The following MGST1 variants were observed in gnomAD, a reference collection of about 807,000 sequenced individuals.
MGST1 encodes glutathione S-transferase 12.
A neutral mutation model predicts 8.9 loss-of-function variants in MGST1; 5 were observed. That is an observed-to-expected ratio of 0.56 (90% CI 0.29 to 1.19). The LOEUF is 1.19. Among genes scored for constraint, MGST1 ranks in the 50% most tolerant of loss-of-function variants. The pLI is 0.08. For synonymous variants in MGST1, 54 were observed against 67.8 expected, an observed-to-expected ratio of 0.80 and a Z score of 1.00; for missense variants, 182 against 187.4, an observed-to-expected ratio of 0.97 and a Z score of 0.17.
intron 4 of MGST1, among the ~76,000 whole-genome samples, chr12:16,516,189 G>A (rs1941613887): frequency 6.6e-6 from 1 of 152,170 alleles, no homozygotes; most frequent in Non-Finnish European, 1.5e-5. Flanking sequence ...AGCATGAGCT[G>A]TAGGTAAGGG....
intron 4 of MGST1, among the ~76,000 whole-genome samples, chr12:16,476,115 A>G (rs185248283): frequency 4.6e-5 from 7 of 152,290 alleles, no homozygotes; most frequent in Admixed American, 1.3e-4. Flanking sequence ...CTGAAGGACA[A>G]TAAAAAAAGT....
At chr12:16,422,306 G>T (rs181307740) in intron 1 of MGST1, among the ~76,000 whole-genome samples, 25 of 152,182 alleles carry the variant, frequency 1.6e-4, no homozygotes, top group African/African-American at 6.0e-4. Context: ...TTTTTATACA[G>T]TGTGGATGAT....
At chr12:16,380,547 G>T (rs1282711050), downstream of MGST1, among the ~76,000 whole-genome samples, 2 of 151,890 alleles carry the variant, frequency 1.3e-5, no homozygotes, top group Admixed American at 1.3e-4. Flanking sequence ...TTTGCTGAGG[G>T]GTGCTTTACT....
intron 4 of MGST1, among the ~76,000 whole-genome samples, chr12:16,535,354 A>C (rs566901597): frequency 1.3e-4 from 20 of 152,320 alleles, no homozygotes; most frequent in African/African-American, 4.6e-4. Context: ...CAAAAGACAG[A>C]GCTTGCAAAA....
chr12:16,401,451 A>G lies in MGST1; in HGVS notation n.778+17847A>G, dbSNP rs760172911. 4.8e-6 allele frequency: 4 copies of G among 835,698 alleles called. No individual in the cohort carries two copies. The highest frequency in any genetic ancestry group is 4.8e-5 in the East Asian group (2 of 41,448). 51.8% of individuals were successfully genotyped at this position (835,698 alleles called of 1,614,324 possible). The stretch of plus-strand genomic sequence containing the variant: ...CCACGTCCATGACAGCATTATATAC[A>G]TCACATATCTTCACACCATGTCTTA... On this transcript the variant is annotated intron_variant and non_coding_transcript_variant, in intron 1 of 1. Coordinates refer to the MGST1 transcript ENST00000359720. The surrounding 1 kb of genome is among the most constrained non-coding windows in gnomAD (Gnocchi z 4.3).
At position 16,560,695 on chromosome 12, in the gene MGST1, T is replaced by A. The variant is rs963502422; in HGVS notation, n.483-28833T>A. The A allele has an allele frequency of 6.0e-6, 4 of 662,410 alleles. No homozygotes were observed. In the African/African-American group the frequency reaches 7.2e-5, roughly 12 times the overall value. 41.0% of individuals were successfully genotyped at this position (662,410 alleles called of 1,614,324 possible). ...ATCCTAGGTGTATGCATAAATATTC[T>A]TCTGCAATATATTCTCCGTTGACCT... On this transcript the variant is annotated intron_variant and non_coding_transcript_variant, in intron 4 of 4. Transcript: ENST00000538857. The surrounding 1 kb of genome is among the most constrained non-coding windows in gnomAD (Gnocchi z 5.0).
rs1943009804 is a variant in MGST1, at chr12:16,576,837, A to G, written n.483-12691A>G. 1.3e-5 allele frequency among the ~76,000 whole-genome samples: 2 copies of G among 152,234 alleles called. No individual in the cohort carries two copies. Among genetic ancestry groups the G allele is most frequent in the African/African-American group, 4.8e-5 (2 of 41,472 alleles). ...TTTAAATTCAGTGTACAATGGACAT[A>G]AGACCTGTAGGTGGAAGTCAAAAAT... On this transcript the variant is annotated intron_variant and non_coding_transcript_variant, in intron 4 of 4. Coordinates refer to the MGST1 transcript ENST00000538857. The surrounding 1 kb of genome is among the most constrained non-coding windows in gnomAD (Gnocchi z 4.1).
intron 1 of MGST1, among the ~76,000 whole-genome samples, chr12:16,387,171 T>A (rs1254297760): frequency 6.6e-6 from 1 of 152,172 alleles, no homozygotes; most frequent in African/African-American, 2.4e-5. Flanking sequence ...AACTTTATCA[T>A]AGTGCATGAC....
At chr12:16,588,512 G>A (rs1443033578) in intron 4 of MGST1, among the ~76,000 whole-genome samples, 3 of 152,058 alleles carry the variant, frequency 2.0e-5, no homozygotes, top group Non-Finnish European at 4.4e-5. Context: ...AAAACAGGGA[G>A]AGCATGGATA....
intron 1 of MGST1, among the ~76,000 whole-genome samples, chr12:16,412,934 A>G (rs1002297130): frequency 6.6e-6 from 1 of 152,198 alleles, no homozygotes; most frequent in Non-Finnish European, 1.5e-5. Flanking sequence ...TCAACCTTTA[A>G]TGGGGAGAAG....
chr12:16,395,166 C>T (rs1940594061), intron 1 of MGST1, among the ~76,000 whole-genome samples: 1 of 151,762 alleles, frequency 6.6e-6, no homozygotes, highest in East Asian at 1.9e-4. Flanking sequence ...TTATTTTTCA[C>T]ATATAGGTCA....
At chr12:16,450,684 C>T (rs1264764903) in intron 4 of MGST1, among the ~76,000 whole-genome samples, 1 of 151,954 alleles carries the variant, frequency 6.6e-6, no homozygotes, top group African/African-American at 2.4e-5. Context: ...TTCAAAGGGG[C>T]ACCCCTATGA....
At position 16,589,097 on chromosome 12, in the gene MGST1, G is replaced by A. The variant is rs972077761; in HGVS notation, n.483-431G>A. On this transcript the variant is annotated intron_variant and non_coding_transcript_variant, in intron 4 of 4. Coordinates refer to the MGST1 transcript ENST00000538857. The surrounding 1 kb of genome is among the most constrained non-coding windows in gnomAD (Gnocchi z 4.2). ...CGACGTCAGGTCTGGATACCTCACC[G>A]TGATGCAACCTGACATGCCTCTAAG... Among the ~76,000 whole-genome samples, 6 of 152,090 alleles carry A rather than the reference G, an allele frequency of 3.9e-5. No individual in the cohort carries two copies. The highest frequency in any genetic ancestry group is 7.2e-5 in the African/African-American group (3 of 41,424).
rs1436970438 is a variant in MGST1, at chr12:16,401,029, C to A, written n.778+17425C>A. 5.0e-5 allele frequency: 79 copies of A among 1,585,210 alleles called. No homozygotes were observed. The highest frequency in any genetic ancestry group is 6.6e-5 in the Non-Finnish European group (76 of 1,154,300). On this transcript the variant is annotated intron_variant and non_coding_transcript_variant, in intron 1 of 1. Coordinates refer to the MGST1 transcript ENST00000359720. This position sits in a 1 kb window ranked among gnomAD's most constrained non-coding sequence, Gnocchi z 4.3. ...ACTTCTCTTCTGCAGTCATTTCATT[C>A]CTGTTCTTTCTGTAAGTAATGCTGC... is the stretch of plus-strand genomic sequence containing the variant.
chr12:16,357,796 A>G (rs1278705690), intron 3 of MGST1, 97 bp downstream of exon 3: 2 of 870,702 alleles, frequency 2.3e-6, no homozygotes, highest in Non-Finnish European at 3.6e-6. Context: ...TGAGGAAAAA[A>G]AGTGAGACCT....
chr12:16,562,907 A>C (rs1477401578), intron 4 of MGST1, among the ~76,000 whole-genome samples: 1 of 152,212 alleles, frequency 6.6e-6, no homozygotes, highest in Non-Finnish European at 1.5e-5. Context: ...CTGACGTTAT[A>C]GCCTTCCAAT....
At chr12:16,460,305 T>C (rs1941208586) in intron 4 of MGST1, among the ~76,000 whole-genome samples, 1 of 152,080 alleles carries the variant, frequency 6.6e-6, no homozygotes, top group South Asian at 2.1e-4. Context: ...GGCATATACA[T>C]TTTCTGCTGG....
downstream of MGST1, among the ~76,000 whole-genome samples, chr12:16,592,404 G>T (rs1047143674): frequency 6.6e-6 from 1 of 151,944 alleles, no homozygotes; most frequent in African/African-American, 2.4e-5. Flanking sequence ...TAATTTCTTT[G>T]TATCTCCCAA....
At chr12:16,414,591 A>G (rs1940770121) in intron 1 of MGST1, among the ~76,000 whole-genome samples, 1 of 151,492 alleles carries the variant, frequency 6.6e-6, no homozygotes, top group Non-Finnish European at 1.5e-5. Flanking sequence ...AATATTTTGT[A>G]TTTTTAGTAG....
Sources: allele counts gnomAD v4.1 joint callset (sites outside exome capture counted in the v4.1 genomes callset), GRCh38; gene constraint gnomAD v4.1.1; non-coding constraint Gnocchi (gnomAD v3.1); transcripts MANE v1.5; gene names NCBI Gene and HGNC (gene_info 2026-07-23, HGNC 2026-07-21).